The following TFDP2 variants were observed in gnomAD, a reference collection of about 807,000 sequenced individuals.
TFDP2 encodes transcription factor Dp-2 (E2F dimerization partner 2).
In TFDP2, 17 loss-of-function variants were observed where a neutral mutation model predicts 59.3. The ratio of observed to expected loss-of-function variants is 0.29; its 90% confidence interval spans 0.20 to 0.43. The LOEUF (loss-of-function observed/expected upper bound fraction) is 0.43, where lower values mean the gene tolerates loss of function less well. Among genes scored for constraint, TFDP2 ranks in the 20% least tolerant of loss-of-function variants. The pLI is 1.00. For synonymous variants in TFDP2, 180 were observed against 194.7 expected, an observed-to-expected ratio of 0.92 and a Z score of 0.63; for missense variants, 391 against 528.8, an observed-to-expected ratio of 0.74 and a Z score of 2.56.
At chr3:142,064,453 A>G (rs1234939208) in intron 3 of TFDP2, among the ~76,000 whole-genome samples, 26 of 152,204 alleles carry the variant, frequency 1.7e-4, no homozygotes, top group Non-Finnish European at 1.5e-5. Context: ...CTCCAAGCAT[A>G]CTAAGAAAAT....
intron 3 of TFDP2, among the ~76,000 whole-genome samples, chr3:142,019,310 C>T (rs1945409437): frequency 6.6e-6 from 1 of 152,124 alleles, no homozygotes; most frequent in Non-Finnish European, 1.5e-5. Context: ...GTAACCCGCC[C>T]GCCTCAGCCT....
chr3:142,138,116 T>C (rs1378810883), intron 1 of TFDP2, among the ~76,000 whole-genome samples: 7 of 152,224 alleles, frequency 4.6e-5, no homozygotes, highest in African/African-American at 1.7e-4. Context: ...GGTGTATGTG[T>C]CCAGGAATTT....
At chr3:142,004,877 TAA>T (rs997771957) in intron 4 of TFDP2, among the ~76,000 whole-genome samples, 2 of 152,120 alleles carry the variant, frequency 1.3e-5, no homozygotes, top group African/African-American at 4.8e-5. Context: ...AAACCTCACA[TAA>T]AGAGGAAAAG....
At chr3:142,026,904 T>C (rs1032512972) in intron 3 of TFDP2, among the ~76,000 whole-genome samples, 1 of 152,220 alleles carries the variant, frequency 6.6e-6, no homozygotes, top group African/African-American at 2.4e-5. Flanking sequence ...AACTGCAACA[T>C]ATCATTTCAA....
chr3:142,138,508 A>C (rs1367851647), intron 1 of TFDP2, among the ~76,000 whole-genome samples: 1 of 152,138 alleles, frequency 6.6e-6, no homozygotes, highest in Non-Finnish European at 1.5e-5. Context: ...GTGGGCATTT[A>C]GTGCTATAAA....
At chr3:142,045,850 T>C (rs1947321638) in intron 3 of TFDP2, among the ~76,000 whole-genome samples, 2 of 151,968 alleles carry the variant, frequency 1.3e-5, no homozygotes, top group East Asian at 3.9e-4. Context: ...CTCAAAATCC[T>C]GACCTCAAGT....
intron 3 of TFDP2, among the ~76,000 whole-genome samples, chr3:142,054,473 T>C (rs907527079): frequency 1.3e-5 from 2 of 152,254 alleles, no homozygotes; most frequent in Non-Finnish European, 2.9e-5. Flanking sequence ...TATGAATCAT[T>C]GACACTATGT....
intron 1 of TFDP2, among the ~76,000 whole-genome samples, chr3:142,111,669 G>A (rs1289597661): frequency 6.6e-6 from 1 of 152,152 alleles, no homozygotes; most frequent in African/African-American, 2.4e-5. Context: ...AGGGTCTAAG[G>A]AAGGTCCTAA....
At chr3:141,983,638 A>G (rs1463538434) in intron 6 of TFDP2, among the ~76,000 whole-genome samples, 2 of 150,794 alleles carry the variant, frequency 1.3e-5, no homozygotes, top group Non-Finnish European at 1.5e-5. Context: ...AAAAAAAAAA[A>G]GGGCAAAAGA....
chr3:142,038,383 CAAAAAAAAA>C (rs1184364752), intron 3 of TFDP2, among the ~76,000 whole-genome samples: 7,643 of 41,462 alleles, frequency 0.18, 253 homozygotes, highest in Middle Eastern at 0.32. Context: ...GACTCCATCT[CAAAAAAAAA>C]AAAAAAAAAA....
chr3:142,126,082 G>A (rs1398378348), intron 1 of TFDP2: 2 of 151,760 alleles, frequency 1.3e-5, no homozygotes, highest in African/African-American at 4.8e-5. Flanking sequence ...TTCTTCAATA[G>A]TATAGAGAAC....
At chr3:141,978,791 G>C (rs11569224) in intron 6 of TFDP2, 109 bp from the exon 7 acceptor site, 1 of 832,824 alleles carries the variant, frequency 1.2e-6, no homozygotes, top group Non-Finnish European at 1.7e-6. Flanking sequence ...TACTTCAAGT[G>C]TCAAAAATTT....
chr3:141,973,578 A>T (rs1274362949), intron 8 of TFDP2, among the ~76,000 whole-genome samples: 1 of 152,190 alleles, frequency 6.6e-6, no homozygotes, highest in East Asian at 1.9e-4. Context: ...CACAAATGAA[A>T]CACTATTCAT....
At chr3:142,092,236 A>G (rs924294084) in intron 3 of TFDP2, among the ~76,000 whole-genome samples, 2 of 152,204 alleles carry the variant, frequency 1.3e-5, no homozygotes, top group African/African-American at 4.8e-5. Flanking sequence ...ACATTTCAGC[A>G]TGTATCTCTA....
At chr3:142,084,885 A>C (rs960243293) in intron 3 of TFDP2, among the ~76,000 whole-genome samples, 1 of 152,098 alleles carries the variant, frequency 6.6e-6, no homozygotes, top group African/African-American at 2.4e-5. Flanking sequence ...TACAAAAAAA[A>C]ACAGAAAGAA....
chr3:142,040,122 C>T (rs1267315898), intron 3 of TFDP2, among the ~76,000 whole-genome samples: 1 of 146,104 alleles, frequency 6.8e-6, no homozygotes. Context: ...AAAACACACA[C>T]ACACACACAC....
At chr3:142,069,135 C>T (rs1161435436) in intron 3 of TFDP2, among the ~76,000 whole-genome samples, 1 of 151,914 alleles carries the variant, frequency 6.6e-6, no homozygotes, top group Non-Finnish European at 1.5e-5. Context: ...AGGCTGGTCT[C>T]GAACTCCTGA....
chr3:141,997,790 C>A (rs996106307), intron 4 of TFDP2, among the ~76,000 whole-genome samples: 1 of 124,654 alleles, frequency 8.0e-6, no homozygotes, highest in Non-Finnish European at 1.6e-5. Flanking sequence ...GCAGAGGTTA[C>A]AGTAAGCAGA....
At position 141,972,161 on chromosome 3, in the gene TFDP2, C is replaced by G. The variant is rs188853931; in HGVS notation, c.663+1887G>C. Among the ~76,000 whole-genome samples, 222 of 152,298 alleles carry G rather than the reference C, an allele frequency of 1.5e-3. 1 individual carries two copies. Among genetic ancestry groups the G allele is most frequent in the Middle Eastern group, 6.8e-3 (2 of 294 alleles). On this transcript the variant is annotated intron_variant, in intron 8 of 12. Transcript: ENST00000489671. Reference sequence around the variant, plus strand: ...TTCACTGTAAAATCTGTGTGGCGTTCTGCATTTGAAAAGATGTTGTAGGAG... The same window carrying G: ...TTCACTGTAAAATCTGTGTGGCGTTGTGCATTTGAAAAGATGTTGTAGGAG...
Sources: gnomAD v4.1 joint callset for allele counts (sites outside exome capture counted in the v4.1 genomes callset) on GRCh38, gnomAD v4.1.1 for gene constraint, MANE v1.5 for transcripts, NCBI Gene and HGNC (gene_info 2026-07-23, HGNC 2026-07-21) for gene names.